The following PRTG variants were observed in gnomAD, a reference collection of about 807,000 sequenced individuals.
PRTG encodes the protein protogenin.
A neutral mutation model predicts 122.5 loss-of-function variants in PRTG; 67 were observed. The observed-to-expected ratio is 0.55, with a 90% confidence interval of 0.45 to 0.67. The LOEUF (loss-of-function observed/expected upper bound fraction) is 0.67, where lower values mean the gene tolerates loss of function less well. Ranked by LOEUF, PRTG falls within the 30% of genes least tolerant of loss-of-function variation. The probability of loss-of-function intolerance (pLI) is 0.00; values close to 1 mark genes in which losing one functional copy is unlikely to be tolerated. For missense variants in PRTG, 1,435 were observed against 1,415.4 expected (o/e 1.01, Z -0.22); for synonymous variants, 554 against 501.1 (o/e 1.11, Z -1.41).
intron 2 of PRTG, among the ~76,000 whole-genome samples, chr15:55,685,401 T>C (rs1232595783): frequency 1.3e-5 from 2 of 152,186 alleles, no homozygotes; most frequent in Non-Finnish European, 2.9e-5. Context: ...TATTTGTGTA[T>C]GAAACATAAA....
chr15:55,646,676 G>A (rs914144546), intron 11 of PRTG, among the ~76,000 whole-genome samples: 7 of 152,112 alleles, frequency 4.6e-5, no homozygotes, highest in Non-Finnish European at 8.8e-5. Context: ...GGTAATATTT[G>A]AATTTAGGGT....
intron 2 of PRTG, among the ~76,000 whole-genome samples, chr15:55,739,732 C>T (rs1217602507): frequency 1.3e-5 from 2 of 151,960 alleles, no homozygotes; most frequent in East Asian, 1.9e-4. Context: ...GATGTTAATA[C>T]AAAAGAAATC....
At chr15:55,736,336 T>C (rs1341021491) in intron 2 of PRTG, among the ~76,000 whole-genome samples, 1 of 151,890 alleles carries the variant, frequency 6.6e-6, no homozygotes, top group African/African-American at 2.4e-5. Flanking sequence ...TAGCATATAG[T>C]CTCACAGTTC....
At chr15:55,620,850 T>C in intron 18 of PRTG, 83 bp from the exon 19 acceptor site, 4 of 1,135,648 alleles carry the variant, frequency 3.5e-6, no homozygotes, top group Non-Finnish European at 5.1e-6. Flanking sequence ...ACTTTAACTT[T>C]TACTATATGC....
At chr15:55,657,597 G>A (rs1016181457) in intron 11 of PRTG, among the ~76,000 whole-genome samples, 2 of 152,144 alleles carry the variant, frequency 1.3e-5, no homozygotes, top group Non-Finnish European at 2.9e-5. Context: ...TTTTCTGGAG[G>A]TAATGTATCT....
rs1044129343 is a variant in PRTG at position 55,618,055 on chromosome 15, A to C, written c.*1957T>G. The C allele has an allele frequency of 6.6e-6, 1 of 152,198 alleles. No homozygotes were observed. Among genetic ancestry groups the C allele is most frequent in the African/African-American group, 2.4e-5 (1 of 41,446 alleles). 9.4% of individuals were successfully genotyped at this position (152,198 alleles called of 1,614,324 possible). On this transcript the variant is annotated 3_prime_UTR_variant, in exon 20 of 20. Transcript: ENST00000389286. ...ATAAAACAGGAGCTATAAAGGCAGG[A>C]GCAGCATTTTTCCTTGCTGCAGACT...
At chr15:55,705,226 C>G (rs1489756112) in intron 2 of PRTG, among the ~76,000 whole-genome samples, 1 of 152,164 alleles carries the variant, frequency 6.6e-6, no homozygotes, top group Non-Finnish European at 1.5e-5. Context: ...ATCATAGCAC[C>G]TCACAGTACT....
intron 15 of PRTG, among the ~76,000 whole-genome samples, chr15:55,633,069 T>C (rs2059236639): frequency 6.6e-6 from 1 of 152,188 alleles, no homozygotes; most frequent in Admixed American, 6.5e-5. Flanking sequence ...TATTTAACCA[T>C]GATGAAAATT....
chr15:55,701,026 C>T (rs2059660452), intron 2 of PRTG, among the ~76,000 whole-genome samples: 1 of 152,256 alleles, frequency 6.6e-6, no homozygotes, highest in African/African-American at 2.4e-5. Flanking sequence ...AAAGTATATC[C>T]TACCTCATAC....
intron 2 of PRTG, among the ~76,000 whole-genome samples, chr15:55,733,514 CAAAAAAAA>C (rs1171561645): frequency 5.2e-5 from 4 of 76,394 alleles, no homozygotes; most frequent in African/African-American, 8.6e-5. Flanking sequence ...CTGTCTCAAA[CAAAAAAAA>C]AAAAAAAAAA....
At chr15:55,650,029 T>C (rs1194062389) in intron 11 of PRTG, among the ~76,000 whole-genome samples, 1 of 152,132 alleles carries the variant, frequency 6.6e-6, no homozygotes, top group African/African-American at 2.4e-5. Context: ...AAAAACATCA[T>C]AGGTGTCTTT....
chr15:55,678,068 T>G, intron 7 of PRTG, 24 bp from the exon 8 acceptor site: 4 of 1,442,014 alleles, frequency 2.8e-6, no homozygotes, highest in Non-Finnish European at 3.8e-6. Flanking sequence ...AAAAATTATT[T>G]CCATGAAAAA....
chr15:55,645,107 A>AT (rs896105653), intron 11 of PRTG, among the ~76,000 whole-genome samples: 2 of 151,960 alleles, frequency 1.3e-5, no homozygotes, highest in Non-Finnish European at 1.5e-5. Context: ...TTGTTCATTA[A>AT]TTTTTCAGAA....
At chr15:55,665,246 C>T (rs1044022527) in intron 11 of PRTG, among the ~76,000 whole-genome samples, 5 of 151,666 alleles carry the variant, frequency 3.3e-5, no homozygotes, top group South Asian at 2.1e-4. Flanking sequence ...GGTGACAGAG[C>T]GAGACTCTGT....
intron 2 of PRTG, among the ~76,000 whole-genome samples, chr15:55,717,274 T>G (rs1186746479): frequency 6.6e-6 from 1 of 152,182 alleles, no homozygotes; most frequent in Admixed American, 6.5e-5. Flanking sequence ...CAATGAACCA[T>G]TTCCTACTAA....
chr15:55,645,304 C>T lies in PRTG; in HGVS notation c.2042-4096G>A, dbSNP rs535588333. ...CAAAAATTAGCCGGGCATGGTGGCG[C>T]GTGCCTGTAGTCCCAGCTACACGGG... On this transcript the variant is annotated intron_variant, in intron 11 of 19. Coordinates refer to ENST00000389286, the MANE Select transcript of PRTG (RefSeq NM_173814.6). Among the ~76,000 whole-genome samples, 775 of 148,360 alleles carry T rather than the reference C, an allele frequency of 5.2e-3. 3 individuals are homozygous for T. Among genetic ancestry groups the T allele is most frequent in the Non-Finnish European group, 9.2e-3 (617 of 66,990 alleles).
rs1326328343 is a variant in PRTG at position 55,624,340 on chromosome 15, A to C, written c.3093+2T>G. ...TATGCAGCAAATCCCGCAGCTCAGT[A>C]CCTTTGCATCAATGAAGCTGTTTGG... On this transcript the variant is annotated splice_donor_variant, in intron 18 of 19. Coordinates refer to ENST00000389286, the MANE Select transcript of PRTG (RefSeq NM_173814.6). LOFTEE classifies it high-confidence loss of function. 6.2e-7 allele frequency: 1 copy of C among 1,613,600 alleles called. No homozygotes were observed. The highest frequency in any genetic ancestry group is 2.2e-5 in the East Asian group (1 of 44,880).
intron 2 of PRTG, among the ~76,000 whole-genome samples, chr15:55,714,191 C>G (rs1432300904): frequency 6.9e-6 from 1 of 143,888 alleles, no homozygotes; most frequent in African/African-American, 2.6e-5. Context: ...TATTTTCTTT[C>G]TATCTATTTA....
intron 10 of PRTG, 73 bp from the exon 11 acceptor site, chr15:55,672,706 C>CCTG: frequency 8.8e-7 from 1 of 1,141,272 alleles, no homozygotes; most frequent in South Asian, 1.9e-5. Flanking sequence ...TAGGGTAGTT[C>CCTG]TCTCAGTTTT....
Sources: gnomAD v4.1 joint callset for allele counts (sites outside exome capture counted in the v4.1 genomes callset) on GRCh38, gnomAD v4.1.1 for gene constraint, MANE v1.5 for transcripts, NCBI Gene and HGNC (gene_info 2026-07-23, HGNC 2026-07-21) for gene names.